Variants in PPWD1 observed in about 807,000 individuals in gnomAD.
PPWD1 encodes peptidylprolyl isomerase domain and WD repeat containing 1.
A neutral mutation model predicts 68.8 loss-of-function variants in PPWD1; 43 were observed. The ratio of observed to expected loss-of-function variants is 0.62; its 90% CI spans 0.49 to 0.81. PPWD1 has a LOEUF of 0.81. PPWD1 is among the 30% of genes least tolerant of loss of function. The probability of loss-of-function intolerance (pLI) is 0.00; values close to 1 mark genes in which losing one functional copy is unlikely to be tolerated. For synonymous variants in PPWD1, 232 were observed against 258.7 expected (o/e 0.90, Z 0.99); for missense variants, 672 against 804.8 (o/e 0.83, Z 2.00).
chr5:65,573,712 C>G (rs993504298), intron 5 of PPWD1, among the ~76,000 whole-genome samples: 3 of 150,626 alleles, frequency 2.0e-5, no homozygotes, highest in Non-Finnish European at 4.4e-5. Context: ...ATCACTGTTT[C>G]TTTTAGAGCA....
rs201500460 is a variant in PPWD1 at position 65,572,261 on chromosome 5, T to G, written c.944T>G (p.Met315Arg). The change falls in exon 5 of 11, where the codon ATG (methionine) becomes AGG (arginine). Residue 315 changes from methionine to arginine, a missense_variant. This residue lies in a region of PPWD1 where 484 missense variants were observed against 646.2 expected (regional missense o/e 0.75). Coordinates refer to ENST00000261308, the MANE Select transcript of PPWD1 (RefSeq NM_015342.4). ...RIFRFVTGKL[M>R]RVFDESLSMF... The stretch of plus-strand genomic sequence containing the variant: ...TTCAGATTTGTAACTGGAAAACTCA[T>G]GAGAGTCTTTGATGAATCACTAAGC... 1.4e-5 allele frequency: 22 copies of G among 1,610,294 alleles called. No homozygotes were observed. The East Asian group carries it at 4.0e-4, about 29-fold the overall frequency.
At chr5:65,564,028 C>G in intron 1 of PPWD1, 1 of 602,580 alleles carries the variant, frequency 1.7e-6, no homozygotes, top group Non-Finnish European at 2.9e-6. Context: ...TCCTAGATCA[C>G]AGATTTGTTT....
intron 1 of PPWD1, among the ~76,000 whole-genome samples, chr5:65,565,998 A>T (rs576588161): frequency 6.6e-6 from 1 of 152,120 alleles, no homozygotes; most frequent in African/African-American, 2.4e-5. Context: ...TGTTGTATAT[A>T]TTTTCAGAAA....
intron 5 of PPWD1, among the ~76,000 whole-genome samples, chr5:65,576,103 A>G (rs1753267326): frequency 9.3e-6 from 1 of 107,550 alleles, no homozygotes; most frequent in African/African-American, 4.0e-5. Flanking sequence ...AATGTAAGTT[A>G]TCTCAATTTT....
In PPWD1 at chr5:65,573,481, T is replaced by TATATATATATAA. The variant is rs1304267719; in HGVS notation, c.969+1195_969+1196insATATATATATAA. ...CTAATATATATATATATATATTTTT[T>TATATATATATAA]TTTTATTAGAGATGGGTTTTTTTTA... On this transcript the variant is annotated intron_variant, in intron 5 of 10. Coordinates refer to ENST00000261308, the MANE Select transcript of PPWD1 (RefSeq NM_015342.4). Among the ~76,000 whole-genome samples the TATATATATATAA allele has an allele frequency of 2.8e-3, 261 of 93,422 alleles. 16 individuals are homozygous for TATATATATATAA. The highest frequency in any genetic ancestry group is 0.011 in the African/African-American group (209 of 19,304). 61.3% of individuals were successfully genotyped at this position (93,422 alleles called of 152,430 possible). A position where few individuals can be genotyped will look rare whatever the true frequency, so the allele number is the denominator to read the frequency against.
In PPWD1 at chr5:65,577,069, G is replaced by T; in HGVS notation, c.1160G>T (p.Arg387Leu). ...GIKVINVETN[R>L]CVRILGKQEN... is the part of the protein sequence containing the mutation. The stretch of plus-strand genomic sequence containing the variant: ...AAAGTTATAAATGTAGAGACAAACC[G>T]GTAAGCTTTAATATGAGGTATGTTT... Residue 387 changes from arginine to leucine, a missense_variant and splice_region_variant, in exon 6 of 11, where the codon CGG becomes CTG. Arg to Leu is a moderately radical substitution (Grantham distance 102, BLOSUM62 -2). Coordinates refer to ENST00000261308, the MANE Select transcript of PPWD1 (RefSeq NM_015342.4). The T allele has an allele frequency of 6.2e-7, 1 of 1,608,428 alleles. No individual in the cohort carries two copies. Among genetic ancestry groups the T allele is most frequent in the Admixed American group, 1.7e-5 (1 of 59,662 alleles).
intron 1 of PPWD1, among the ~76,000 whole-genome samples, chr5:65,566,145 C>G (rs1752747622): frequency 6.6e-6 from 1 of 152,158 alleles, no homozygotes; most frequent in Admixed American, 6.5e-5. Flanking sequence ...AAAAAGGAAT[C>G]TGGATCAGAT....
intron 6 of PPWD1, 146 bp from the exon 7 acceptor site, chr5:65,579,278 G>T (rs37334): frequency 0.29 from 364,691 of 1,237,360 alleles, 55,299 homozygotes; most frequent in African/African-American, 0.37. Context: ...ATACCTTTTG[G>T]GGGGTAGAGA....
intron 8 of PPWD1, 189 bp downstream of exon 8, chr5:65,583,408 T>C: frequency 2.0e-6 from 1 of 497,440 alleles, no homozygotes; most frequent in Non-Finnish European, 3.3e-6. Flanking sequence ...TTTTTATGCA[T>C]ATATACTTTA....
At chr5:65,585,660 ATT>A (rs1263467307) in intron 9 of PPWD1, among the ~76,000 whole-genome samples, 2 of 152,172 alleles carry the variant, frequency 1.3e-5, no homozygotes, top group African/African-American at 4.8e-5. Context: ...AATCCAGAGT[ATT>A]TGGGGAAAGG....
chr5:65,571,754 A>T, intron 4 of PPWD1, 85 bp from the exon 5 acceptor site: 1 of 1,521,476 alleles, frequency 6.6e-7, no homozygotes, highest in Non-Finnish European at 8.8e-7. Context: ...TCACCAGCCA[A>T]GACATTTTTG....
intron 7 of PPWD1, among the ~76,000 whole-genome samples, chr5:65,581,626 C>T (rs1753601704): frequency 6.6e-6 from 1 of 152,176 alleles, no homozygotes; most frequent in Non-Finnish European, 1.5e-5. Flanking sequence ...TTGATATACA[C>T]TCAAAACACA....
chr5:65,574,530 C>A (rs1027703114), intron 5 of PPWD1, among the ~76,000 whole-genome samples: 2 of 141,846 alleles, frequency 1.4e-5, no homozygotes, highest in East Asian at 4.4e-4. Flanking sequence ...GTGGCTCAAT[C>A]GCGGCTCACT....
intron 2 of PPWD1, chr5:65,568,960 T>C (rs892867334): frequency 2.4e-5 from 11 of 455,794 alleles, no homozygotes; most frequent in Non-Finnish European, 4.9e-5. Context: ...TGTGGTGTGG[T>C]AGATTGAAAG....
chr5:65,568,754 C>G (rs1752880691), intron 2 of PPWD1, among the ~76,000 whole-genome samples: 1 of 151,920 alleles, frequency 6.6e-6, no homozygotes, highest in African/African-American at 2.4e-5. Context: ...ATATATAAAT[C>G]TAAATAAAAT....
intron 10 of PPWD1, 177 bp from the exon 11 acceptor site, chr5:65,587,076 A>G: frequency 6.0e-6 from 2 of 331,198 alleles, no homozygotes; most frequent in Non-Finnish European, 8.6e-6. Flanking sequence ...TTTTTAACAC[A>G]CTGGAAATAA....
In PPWD1 at chr5:65,583,208, T is replaced by C; in HGVS notation, c.1521T>C (p.Leu507=). The change falls in exon 8 of 11, where the codon CTT becomes CTC. Residue 507 remains leucine (L), a synonymous_variant. Transcript: ENST00000261308. ...HTSMGDIHTK[L]FPVECPKTVE... Reference sequence around the variant, plus strand: ...GCATGGGAGACATTCACACCAAACTTTTTCCTGTTGAGTATGTATAACAAC... The same window carrying C: ...GCATGGGAGACATTCACACCAAACTCTTTCCTGTTGAGTATGTATAACAAC... The C allele has an allele frequency of 6.3e-7, 1 of 1,587,360 alleles. No individual in the cohort carries two copies. The highest frequency in any genetic ancestry group is 8.6e-7 in the Non-Finnish European group (1 of 1,168,786).
chr5:65,564,030 G>T lies in PPWD1; in HGVS notation c.196+524G>T, dbSNP rs1752508484. On this transcript the variant is annotated intron_variant, in intron 1 of 10. Transcript: ENST00000261308. ...AATGACGTAAGCTTCCTAGATCACA[G>T]ATTTGTTTTCATCCAAAACCCGAAG... The T allele has an allele frequency of 8.5e-6, 5 of 591,300 alleles. No individual in the cohort carries two copies. In the East Asian group the frequency reaches 1.4e-4, roughly 17 times the overall value. The allele number at this position is 591,300 out of a possible 1,614,324, so 36.6% of individuals were successfully genotyped here. A position where few individuals can be genotyped will look rare whatever the true frequency, so the allele number is the denominator to read the frequency against.
At chr5:65,584,870 G>C in intron 8 of PPWD1, 144 bp from the exon 9 acceptor site, 2 of 1,201,058 alleles carry the variant, frequency 1.7e-6, no homozygotes, top group South Asian at 3.8e-5. Flanking sequence ...CCTGAGATTA[G>C]AGATTATGAA....
Sources: allele counts gnomAD v4.1 joint callset (sites outside exome capture counted in the v4.1 genomes callset), GRCh38; gene constraint gnomAD v4.1.1; regional missense constraint gnomAD v4.1.1; transcripts MANE v1.5; gene names NCBI Gene and HGNC (gene_info 2026-07-23, HGNC 2026-07-21).